Variants in MAGI1 observed in about 807,000 individuals in gnomAD.
The protein encoded by MAGI1 is membrane-associated guanylate kinase, WW and PDZ domain-containing protein 1.
In MAGI1, 58 loss-of-function variants were observed where a neutral mutation model predicts 139.9. That is an observed-to-expected ratio of 0.41 (90% CI 0.34 to 0.52). The LOEUF is 0.52. Ranked by LOEUF, MAGI1 falls within the 20% of genes least tolerant of loss-of-function variation. MAGI1 has a pLI of 0.12. For synonymous variants in MAGI1, 812 were observed against 737.9 expected (o/e 1.10, Z -1.63); for missense variants, 1,874 against 1,901.6 (o/e 0.99, Z 0.27).
At chr3:66,027,265 CAAATAAATAAATAAATAAAT>C (rs201338759) in intron 1 of MAGI1, among the ~76,000 whole-genome samples, 11 of 69,832 alleles carry the variant, frequency 1.6e-4, no homozygotes, top group South Asian at 4.2e-4. Flanking sequence ...GACTCCGTCT[CAAATAAATAAATAAATAAAT>C]AAATAAATAA....
rs9826322 is a variant in MAGI1, at chr3:65,360,911, C to T, written c.3634+288G>A. The T allele has an allele frequency of 5.2e-3, 7,129 of 1,366,812 alleles. 79 individuals carry two copies. Among genetic ancestry groups the T allele is most frequent in the East Asian group, 0.033 (1,230 of 36,822 alleles). The allele number at this position is 1,366,812 out of a possible 1,614,324, so 84.7% of individuals were successfully genotyped here. A position where few individuals can be genotyped will look rare whatever the true frequency, so the allele number is the denominator to read the frequency against. On this transcript the variant is annotated intron_variant, in intron 22 of 22. Transcript: ENST00000402939. ...GAGGAACAGTTTGGCACAGTACAAA[C>T]AAACATTCCTTCGCTCTTGGTCGGA...
intron 7 of MAGI1, among the ~76,000 whole-genome samples, chr3:65,446,232 G>T (rs1362465409): frequency 1.3e-5 from 2 of 152,110 alleles, no homozygotes; most frequent in East Asian, 3.9e-4. Context: ...CTGATCACAG[G>T]GACAAATATT....
intron 1 of MAGI1, among the ~76,000 whole-genome samples, chr3:65,801,330 T>C (rs1293988645): frequency 2.6e-5 from 4 of 152,186 alleles, no homozygotes; most frequent in Non-Finnish European, 5.9e-5. Context: ...AAAGGTCTGA[T>C]GAGGGAAAGA....
chr3:65,388,548 A>C (rs1943631740), intron 14 of MAGI1, among the ~76,000 whole-genome samples: 1 of 152,196 alleles, frequency 6.6e-6, no homozygotes, highest in African/African-American at 2.4e-5. Flanking sequence ...ATACTGATTC[A>C]AAGACGAGAT....
rs960085916 is a variant in MAGI1 at position 65,764,806 on chromosome 3, T to C, written c.314-142718A>G. The stretch of plus-strand genomic sequence containing the variant: ...ATTATTTTAGTTTCTGGAATAAGCA[T>C]AGGCGTAAACACACAGATTCAGTAT... On this transcript the variant is annotated intron_variant, in intron 1 of 22. Transcript: ENST00000402939. Among the ~76,000 whole-genome samples the C allele has an allele frequency of 2.0e-5, 3 of 152,358 alleles. No homozygotes were observed. In the South Asian group the frequency reaches 6.2e-4, roughly 32 times the overall value.
chr3:65,428,423 G>T (rs142077368), intron 12 of MAGI1, among the ~76,000 whole-genome samples: 2 of 152,236 alleles, frequency 1.3e-5, no homozygotes, highest in Non-Finnish European at 2.9e-5. Context: ...GCAGAGGGTG[G>T]GATACGGACT....
intron 1 of MAGI1, among the ~76,000 whole-genome samples, chr3:65,753,757 C>CT (rs200450374): frequency 0.026 from 3,868 of 151,560 alleles, 80 homozygotes; most frequent in Middle Eastern, 0.042. Context: ...GTGAAAGAGT[C>CT]TAGACTCAAC....
At chr3:65,721,379 G>C (rs1200028706) in intron 1 of MAGI1, among the ~76,000 whole-genome samples, 1 of 152,170 alleles carries the variant, frequency 6.6e-6, no homozygotes, top group East Asian at 1.9e-4. Context: ...GGATGCATTT[G>C]AGAGTAAAAG....
chr3:65,728,351 G>C (rs561634037), intron 1 of MAGI1, among the ~76,000 whole-genome samples: 2 of 152,318 alleles, frequency 1.3e-5, no homozygotes, highest in East Asian at 3.9e-4. Flanking sequence ...AAGAGAGACA[G>C]ACCACGTGGG....
chr3:65,408,098 G>T (rs1215345907), intron 12 of MAGI1, among the ~76,000 whole-genome samples: 1 of 152,160 alleles, frequency 6.6e-6, no homozygotes, highest in East Asian at 1.9e-4. Flanking sequence ...CTTCACTAGT[G>T]ACCCTCAGAA....
intron 1 of MAGI1, among the ~76,000 whole-genome samples, chr3:65,848,699 G>T (rs1478575827): frequency 6.6e-6 from 1 of 151,894 alleles, no homozygotes; most frequent in Admixed American, 6.6e-5. Flanking sequence ...CTGGGTCCTA[G>T]ACCCAGATAG....
At chr3:65,921,609 T>A (rs756911232) in intron 1 of MAGI1, among the ~76,000 whole-genome samples, 7 of 152,088 alleles carry the variant, frequency 4.6e-5, no homozygotes, top group Non-Finnish European at 8.8e-5. Context: ...CGTGCCCGGC[T>A]GACTTATAAT....
At chr3:65,592,943 G>A (rs1425868747) in intron 2 of MAGI1, among the ~76,000 whole-genome samples, 4 of 152,136 alleles carry the variant, frequency 2.6e-5, no homozygotes, top group Non-Finnish European at 5.9e-5. Context: ...CAGGAGGGCA[G>A]GGGGTTTTTA....
At chr3:65,576,298 AG>A (rs1350474196) in intron 2 of MAGI1, among the ~76,000 whole-genome samples, 5 of 152,206 alleles carry the variant, frequency 3.3e-5, no homozygotes, top group Non-Finnish European at 7.3e-5. Flanking sequence ...AATTCAGCTC[AG>A]GGTGCTAGAA....
chr3:65,679,561 T>C (rs1454253682), intron 1 of MAGI1, among the ~76,000 whole-genome samples: 1 of 150,846 alleles, frequency 6.6e-6, no homozygotes, highest in Non-Finnish European at 1.5e-5. Context: ...AGACTCTGTC[T>C]CCGGAAAAAA....
chr3:65,530,686 C>T (rs1361796217), intron 2 of MAGI1, among the ~76,000 whole-genome samples: 7 of 119,656 alleles, frequency 5.9e-5, no homozygotes, highest in South Asian at 2.6e-4. Flanking sequence ...TATATATATA[C>T]GTGTATATAT....
intron 1 of MAGI1, among the ~76,000 whole-genome samples, chr3:65,978,703 A>G (rs1363931922): frequency 6.9e-6 from 1 of 144,374 alleles, no homozygotes; most frequent in Admixed American, 7.4e-5. Context: ...ATCTCAGCTC[A>G]CTGCAACCTC....
At chr3:66,028,776 C>T (rs1285452368) in intron 1 of MAGI1, among the ~76,000 whole-genome samples, 3 of 152,128 alleles carry the variant, frequency 2.0e-5, no homozygotes, top group Non-Finnish European at 4.4e-5. Flanking sequence ...TTCCTTCCTA[C>T]TTGTCTGAAC....
chr3:65,379,685 CACAATACCTGGATAT>C (rs1942881597), intron 16 of MAGI1, 131 bp from the exon 17 acceptor site: 2 of 1,421,126 alleles, frequency 1.4e-6, no homozygotes, highest in African/African-American at 2.8e-5. Flanking sequence ...CACCTGGTTT[CACAATACCTGGATAT>C]ACGGATTGAA....
Sources: gnomAD v4.1 joint callset for allele counts (sites outside exome capture counted in the v4.1 genomes callset) on GRCh38, gnomAD v4.1.1 for gene constraint, MANE v1.5 for transcripts, NCBI Gene and HGNC (gene_info 2026-07-23, HGNC 2026-07-21) for gene names.